Variants in TMEM45A observed in about 807,000 individuals in gnomAD.
TMEM45A encodes DNA polymerase-transactivated protein 4.
TMEM45A carries 25 observed loss-of-function variants against 32.0 expected under a neutral mutation model. That is an observed-to-expected ratio of 0.78 (90% CI 0.57 to 1.09). The LOEUF is 1.09. Among genes scored for constraint, TMEM45A ranks in the 50% least tolerant of loss-of-function variants. The pLI is 0.00. For synonymous variants in TMEM45A, 122 were observed against 114.8 expected (o/e 1.06, Z -0.40); for missense variants, 302 against 325.0 (o/e 0.93, Z 0.54).
intron 1 of TMEM45A, among the ~76,000 whole-genome samples, chr3:100,513,215 A>G (rs1051608879): frequency 2.2e-4 from 34 of 151,460 alleles, no homozygotes; most frequent in Non-Finnish European, 4.0e-4. Context: ...ACATCGATGC[A>G]AAAATCCTCA....
intron 1 of TMEM45A, among the ~76,000 whole-genome samples, chr3:100,511,230 T>C (rs372992099): frequency 1.1e-3 from 166 of 151,986 alleles, no homozygotes; most frequent in African/African-American, 3.8e-3. Flanking sequence ...AGAGAAAGGT[T>C]GGGTTACCCT....
At chr3:100,536,104 C>T (rs979578475) in intron 1 of TMEM45A, among the ~76,000 whole-genome samples, 2 of 152,096 alleles carry the variant, frequency 1.3e-5, no homozygotes, top group African/African-American at 2.4e-5. Context: ...GCCAGCATCT[C>T]GTAGTTAGAA....
At chr3:100,545,780 C>G (rs550707903) in intron 1 of TMEM45A, among the ~76,000 whole-genome samples, 7 of 152,236 alleles carry the variant, frequency 4.6e-5, no homozygotes, top group African/African-American at 1.7e-4. Flanking sequence ...ACTGTAAGCC[C>G]TTTCATGTTT....
At chr3:100,524,471 A>G (rs762472546) in intron 1 of TMEM45A, among the ~76,000 whole-genome samples, 4 of 150,852 alleles carry the variant, frequency 2.7e-5, no homozygotes, top group Non-Finnish European at 5.9e-5. Flanking sequence ...CCCTGCCTTC[A>G]TACATCAGCT....
At chr3:100,534,170 G>T (rs1020901866) in intron 1 of TMEM45A, among the ~76,000 whole-genome samples, 2 of 152,112 alleles carry the variant, frequency 1.3e-5, no homozygotes, top group Non-Finnish European at 2.9e-5. Flanking sequence ...TTTCATGCTT[G>T]TTAGAGATCC....
intron 5 of TMEM45A, among the ~76,000 whole-genome samples, chr3:100,576,621 TA>T (rs532681631): frequency 4.7e-5 from 7 of 147,866 alleles, no homozygotes; most frequent in Admixed American, 3.4e-4. Context: ...CTCTGTCTCA[TA>T]AAAAAAAATA....
At chr3:100,575,693 A>G (rs1706670262) in intron 5 of TMEM45A, among the ~76,000 whole-genome samples, 1 of 152,068 alleles carries the variant, frequency 6.6e-6, no homozygotes, top group Admixed American at 6.6e-5. Context: ...AACTATGAAA[A>G]CAGTCACCAG....
chr3:100,569,242 T>C (rs188333982), intron 5 of TMEM45A, among the ~76,000 whole-genome samples: 8 of 152,348 alleles, frequency 5.3e-5, no homozygotes, highest in African/African-American at 1.9e-4. Flanking sequence ...TCTCCACATA[T>C]GCTATTTCCT....
chr3:100,543,459 G>A (rs1705926638), intron 1 of TMEM45A, among the ~76,000 whole-genome samples: 1 of 152,146 alleles, frequency 6.6e-6, no homozygotes, highest in South Asian at 2.1e-4. Context: ...ATGCCATTTT[G>A]CACTTTTAGT....
intron 5 of TMEM45A, among the ~76,000 whole-genome samples, chr3:100,569,786 G>A (rs1310633949): frequency 6.6e-6 from 1 of 152,126 alleles, no homozygotes; most frequent in Non-Finnish European, 1.5e-5. Flanking sequence ...TACCCATGAG[G>A]AATTTTTAGT....
At chr3:100,550,163 T>C (rs1706064767) in intron 1 of TMEM45A, among the ~76,000 whole-genome samples, 1 of 146,022 alleles carries the variant, frequency 6.8e-6, no homozygotes, top group Non-Finnish European at 1.5e-5. Context: ...ACCTGCACAA[T>C]GTGCACATGT....
chr3:100,523,698 T>TC (rs1705482728), intron 1 of TMEM45A, among the ~76,000 whole-genome samples: 1 of 122,564 alleles, frequency 8.2e-6, no homozygotes, highest in Admixed American at 9.1e-5. Context: ...TCCTTCTCCT[T>TC]CTCCTCCTCC....
At chr3:100,539,430 A>AGGATAT (rs1373726825) in intron 1 of TMEM45A, among the ~76,000 whole-genome samples, 5 of 48,372 alleles carry the variant, frequency 1.0e-4, no homozygotes, top group Admixed American at 7.0e-4. Flanking sequence ...AGAACCCAAT[A>AGGATAT]GGATATGTAT....
chr3:100,508,327 A>G (rs1708105762), intron 1 of TMEM45A, among the ~76,000 whole-genome samples: 1 of 152,150 alleles, frequency 6.6e-6, no homozygotes, highest in African/African-American at 2.4e-5. Flanking sequence ...CAGGCCCGAC[A>G]AGACTGCATC....
intron 1 of TMEM45A, among the ~76,000 whole-genome samples, chr3:100,501,581 C>G (rs1708008718): frequency 6.6e-6 from 1 of 152,220 alleles, no homozygotes; most frequent in Non-Finnish European, 1.5e-5. Flanking sequence ...ACTCCTTCTT[C>G]TTGGGATGTT....
intron 1 of TMEM45A, among the ~76,000 whole-genome samples, chr3:100,554,307 G>C (rs908601688): frequency 6.6e-6 from 1 of 152,020 alleles, no homozygotes; most frequent in Non-Finnish European, 1.5e-5. Context: ...GGCTAGGTGG[G>C]GCTAAGGTGT....
intron 1 of TMEM45A, among the ~76,000 whole-genome samples, chr3:100,539,515 G>GTATACGTATACA (rs1705822149): frequency 6.6e-6 from 1 of 150,830 alleles, no homozygotes; most frequent in Non-Finnish European, 1.5e-5. Context: ...ATACGTATAC[G>GTATACGTATACA]TATATGTGGG....
chr3:100,543,524 T>G (rs964367411), intron 1 of TMEM45A, among the ~76,000 whole-genome samples: 2 of 152,194 alleles, frequency 1.3e-5, no homozygotes, highest in Non-Finnish European at 2.9e-5. Context: ...ATATAATAGA[T>G]TTTTTAAATT....
chr3:100,499,437 AT>A (rs1293007134), intron 1 of TMEM45A, among the ~76,000 whole-genome samples: 1 of 152,224 alleles, frequency 6.6e-6, no homozygotes, highest in Non-Finnish European at 1.5e-5. Context: ...TTCATTAATA[AT>A]TTTTATCAAC....
Sources: allele counts gnomAD v4.1 joint callset (sites outside exome capture counted in the v4.1 genomes callset), GRCh38; gene constraint gnomAD v4.1.1; transcripts MANE v1.5; gene names NCBI Gene and HGNC (gene_info 2026-07-23, HGNC 2026-07-21).